The following NEBL variants were observed in gnomAD, a reference collection of about 807,000 sequenced individuals.
NEBL encodes the protein nebulette, also known as LIM and SH3 protein 2.
In NEBL, 122 loss-of-function variants were observed where a neutral mutation model predicts 140.2. The observed-to-expected ratio is 0.87, with a 90% confidence interval of 0.75 to 1.01. NEBL has a LOEUF of 1.01. NEBL is among the 50% of genes least tolerant of loss of function. The probability of loss-of-function intolerance (pLI) is 0.00; values close to 1 mark genes in which losing one functional copy is unlikely to be tolerated. For missense variants in NEBL, 1,365 were observed against 1,231.3 expected, an observed-to-expected ratio of 1.11 and a Z score of -1.62; for synonymous variants, 436 against 398.9, an observed-to-expected ratio of 1.09 and a Z score of -1.11.
intron 26 of NEBL, among the ~76,000 whole-genome samples, chr10:20,787,521 A>T (rs1242723795): frequency 7.2e-5 from 11 of 152,220 alleles, no homozygotes; most frequent in Non-Finnish European, 1.5e-5. Context: ...TCAGCTTAGC[A>T]TGCAGTTAAA....
chr10:21,044,255 G>A (rs1341114424), intron 2 of NEBL, among the ~76,000 whole-genome samples: 1 of 151,992 alleles, frequency 6.6e-6, no homozygotes, highest in Non-Finnish European at 1.5e-5. Context: ...AAATTAGCTG[G>A]GCGTGGTGGT....
At chr10:21,008,034 A>C (rs7079790) in intron 3 of NEBL, among the ~76,000 whole-genome samples, 1 of 152,184 alleles carries the variant, frequency 6.6e-6, no homozygotes, top group East Asian at 1.9e-4. Context: ...CATAACAAAA[A>C]AGAAAAGACA....
At chr10:21,077,691 G>C (rs1159674798) in intron 2 of NEBL, among the ~76,000 whole-genome samples, 1 of 152,056 alleles carries the variant, frequency 6.6e-6, no homozygotes, top group Non-Finnish European at 1.5e-5. Flanking sequence ...TTCAGCTGAT[G>C]GTCTGTTGGT....
intron 26 of NEBL, among the ~76,000 whole-genome samples, chr10:20,789,324 T>C (rs887585174): frequency 6.6e-6 from 1 of 152,242 alleles, no homozygotes; most frequent in Non-Finnish European, 1.5e-5. Flanking sequence ...TGTTACACCA[T>C]TTAACTGTGA....
intron 1 of NEBL, among the ~76,000 whole-genome samples, chr10:21,285,383 G>A (rs1843042582): frequency 6.6e-6 from 1 of 152,170 alleles, no homozygotes. Flanking sequence ...CCTTGGAAAG[G>A]CTAATCAGAA....
intron 8 of NEBL, 45 bp from the exon 9 acceptor site, chr10:20,858,389 T>C (rs763943951): frequency 2.8e-6 from 4 of 1,439,466 alleles, no homozygotes; most frequent in South Asian, 2.3e-5. Context: ...GAGAAGAAAA[T>C]ATTATGCTTT....
chr10:21,007,568 A>G (rs906247371), intron 3 of NEBL, among the ~76,000 whole-genome samples: 3 of 152,198 alleles, frequency 2.0e-5, no homozygotes, highest in African/African-American at 7.2e-5. Context: ...CACCCTTATC[A>G]TCTGACGGCA....
intron 5 of NEBL, among the ~76,000 whole-genome samples, chr10:20,871,995 T>C (rs1844986045): frequency 6.6e-6 from 1 of 152,156 alleles, no homozygotes; most frequent in Non-Finnish European, 1.5e-5. Context: ...GACTAACTGT[T>C]TCTAAGTTAC....
At chr10:21,188,411 A>G (rs1841512490) in intron 3 of NEBL, among the ~76,000 whole-genome samples, 1 of 152,198 alleles carries the variant, frequency 6.6e-6, no homozygotes, top group Non-Finnish European at 1.5e-5. Flanking sequence ...ATATAAAAAC[A>G]GTTGTCATTT....
At chr10:21,099,448 G>A (rs1248156157) in intron 2 of NEBL, among the ~76,000 whole-genome samples, 1 of 152,048 alleles carries the variant, frequency 6.6e-6, no homozygotes, top group Non-Finnish European at 1.5e-5. Flanking sequence ...CAGTATCTCT[G>A]TCTCATCAGC....
chr10:21,002,735 G>A (rs1043369642), intron 3 of NEBL, among the ~76,000 whole-genome samples: 1 of 152,080 alleles, frequency 6.6e-6, no homozygotes, highest in African/African-American at 2.4e-5. Flanking sequence ...TAAACAACCA[G>A]ATCTCGGGAG....
At chr10:21,255,637 A>G (rs1478972378) in intron 1 of NEBL, among the ~76,000 whole-genome samples, 1 of 152,222 alleles carries the variant, frequency 6.6e-6, no homozygotes, top group African/African-American at 2.4e-5. Context: ...GCAATGCTGC[A>G]TCAAAGAATA....
At chr10:21,185,829 G>T (rs1440134053) in intron 3 of NEBL, among the ~76,000 whole-genome samples, 2 of 152,040 alleles carry the variant, frequency 1.3e-5, no homozygotes, top group Non-Finnish European at 2.9e-5. Flanking sequence ...AGACCCTGTG[G>T]CTCATGCATT....
At chr10:20,881,910 G>A (rs987355416) in intron 4 of NEBL, among the ~76,000 whole-genome samples, 1 of 152,152 alleles carries the variant, frequency 6.6e-6, no homozygotes, top group Non-Finnish European at 1.5e-5. Flanking sequence ...GAGAAAAATG[G>A]CAACTTAAGA....
intron 4 of NEBL, chr10:20,961,651 A>G (rs1220864980): frequency 9.3e-6 from 14 of 1,500,282 alleles, no homozygotes; most frequent in Admixed American, 8.4e-5. Context: ...CCATCATGCT[A>G]TTGAATAAAC....
intron 3 of NEBL, among the ~76,000 whole-genome samples, chr10:21,199,646 G>A (rs979187934): frequency 1.3e-5 from 2 of 152,162 alleles, no homozygotes; most frequent in Non-Finnish European, 2.9e-5. Flanking sequence ...GCAATGCATG[G>A]GTGGCCACCC....
At chr10:20,898,299 C>T (rs1031515332), upstream of NEBL, among the ~76,000 whole-genome samples, 2 of 152,070 alleles carry the variant, frequency 1.3e-5, no homozygotes, top group African/African-American at 4.8e-5. Flanking sequence ...AGTCATAGCA[C>T]ATTAGCATTG....
chr10:20,910,472 C>T (rs777196006), intron 4 of NEBL, among the ~76,000 whole-genome samples: 4 of 152,166 alleles, frequency 2.6e-5, no homozygotes, highest in Admixed American at 6.5e-5. Context: ...GGCAGTAACA[C>T]TACAACTGAT....
chr10:20,942,209 C>G (rs1267849575), intron 4 of NEBL, among the ~76,000 whole-genome samples: 1 of 152,146 alleles, frequency 6.6e-6, no homozygotes, highest in Admixed American at 6.5e-5. Context: ...CTACAGTAAC[C>G]AAAACAGCAT....
Sources: allele counts gnomAD v4.1 joint callset (sites outside exome capture counted in the v4.1 genomes callset), GRCh38; gene constraint gnomAD v4.1.1; transcripts MANE v1.5; gene names NCBI Gene and HGNC (gene_info 2026-07-23, HGNC 2026-07-21).